Variants in LINGO2 observed in about 807,000 individuals in gnomAD.
LINGO2 encodes leucine rich repeat and Ig domain containing 2.
Under a neutral mutation model 30.6 loss-of-function variants are expected in LINGO2, and 14 were observed. That is an observed-to-expected ratio of 0.46 (90% CI 0.30 to 0.72). The LOEUF is 0.72. LINGO2 is among the 30% of genes least tolerant of loss of function. The pLI is 0.07. For synonymous variants in LINGO2, 317 were observed against 288.5 expected, an observed-to-expected ratio of 1.10 and a Z score of -1.00; for missense variants, 729 against 751.7, an observed-to-expected ratio of 0.97 and a Z score of 0.35.
the LINGO2 span, among the ~76,000 whole-genome samples, chr9:28,795,949 T>C: frequency 6.6e-6 from 1 of 150,460 alleles, no homozygotes; most frequent in Non-Finnish European, 1.5e-5. Flanking sequence ...ATAGTCAATG[T>C]ATACCTTTAT....
At chr9:28,009,547 C>T (rs1191111446) in intron 5 of LINGO2, among the ~76,000 whole-genome samples, 1 of 151,812 alleles carries the variant, frequency 6.6e-6, no homozygotes, top group Non-Finnish European at 1.5e-5. Flanking sequence ...TAAAAATAGA[C>T]AAAAGATCTG....
At chr9:29,013,724 T>C in the LINGO2 span, among the ~76,000 whole-genome samples, 2 of 152,178 alleles carry the variant, frequency 1.3e-5, no homozygotes, top group African/African-American at 4.8e-5. Flanking sequence ...GCAGAATATA[T>C]TGACTTATGC....
upstream of LINGO2, among the ~76,000 whole-genome samples, chr9:28,671,486 G>A (rs1829007077): frequency 7.4e-6 from 1 of 135,362 alleles, no homozygotes. Context: ...TAGCAACATG[G>A]ACAGAGCTGG....
At chr9:28,447,918 T>C (rs1162477823) in intron 2 of LINGO2, among the ~76,000 whole-genome samples, 1 of 152,144 alleles carries the variant, frequency 6.6e-6, no homozygotes. Context: ...TCTTTGTGGA[T>C]AAGATGGAGG....
intron 2 of LINGO2, among the ~76,000 whole-genome samples, chr9:28,373,306 C>G (rs1820977055): frequency 6.6e-6 from 1 of 152,148 alleles, no homozygotes; most frequent in South Asian, 2.1e-4. Context: ...TATATTTCTA[C>G]TCTTGAATGC....
chr9:28,876,473 T>C, the LINGO2 span, among the ~76,000 whole-genome samples: 8 of 151,624 alleles, frequency 5.3e-5, no homozygotes, highest in East Asian at 1.6e-3. Context: ...ATTGTTCAAT[T>C]CCCACCTATG....
At chr9:29,178,808 G>T in the LINGO2 span, among the ~76,000 whole-genome samples, 2 of 151,928 alleles carry the variant, frequency 1.3e-5, no homozygotes, top group Non-Finnish European at 2.9e-5. Context: ...AAACCCAGAA[G>T]ATCAAAGGAT....
intron 3 of LINGO2, among the ~76,000 whole-genome samples, chr9:28,319,115 C>G (rs1824945859): frequency 1.3e-5 from 2 of 151,904 alleles, no homozygotes; most frequent in East Asian, 1.9e-4. Flanking sequence ...GCCCAGCAGA[C>G]AGAAGAGAAA....
At chr9:28,434,703 G>A (rs1406297905) in intron 2 of LINGO2, among the ~76,000 whole-genome samples, 2 of 152,016 alleles carry the variant, frequency 1.3e-5, no homozygotes, top group Non-Finnish European at 2.9e-5. Context: ...AAATGAGAAG[G>A]CCAATACAAT....
chr9:29,060,023 A>G, the LINGO2 span, among the ~76,000 whole-genome samples: 5 of 152,236 alleles, frequency 3.3e-5, no homozygotes, highest in Admixed American at 3.3e-4. Context: ...TAGAAAACTG[A>G]AAATTTAACA....
At chr9:28,827,306 C>G in the LINGO2 span, among the ~76,000 whole-genome samples, 3 of 152,116 alleles carry the variant, frequency 2.0e-5, no homozygotes, top group Non-Finnish European at 4.4e-5. Context: ...ATTACTCTTC[C>G]TAATACTTAG....
At chr9:28,606,001 AC>A (rs1277484517) in intron 1 of LINGO2, among the ~76,000 whole-genome samples, 3 of 152,004 alleles carry the variant, frequency 2.0e-5, no homozygotes, top group African/African-American at 7.2e-5. Flanking sequence ...AGTATCAATT[AC>A]ACTATAGTGA....
At chr9:28,474,422 G>C (rs1350120332) in intron 2 of LINGO2, among the ~76,000 whole-genome samples, 3 of 151,834 alleles carry the variant, frequency 2.0e-5, no homozygotes, top group African/African-American at 7.3e-5. Context: ...AAAAAAACTT[G>C]AGAAAGTTTT....
At chr9:28,731,577 A>C in the LINGO2 span, among the ~76,000 whole-genome samples, 4 of 152,128 alleles carry the variant, frequency 2.6e-5, no homozygotes, top group African/African-American at 9.7e-5. Flanking sequence ...AGAACAACTC[A>C]AGGGATACTT....
intron 3 of LINGO2, among the ~76,000 whole-genome samples, chr9:28,350,359 G>A (rs1819809273): frequency 6.8e-6 from 1 of 146,208 alleles, no homozygotes; most frequent in Non-Finnish European, 1.5e-5. Flanking sequence ...CCTAGTCTCT[G>A]ATAAAACAGA....
the LINGO2 span, among the ~76,000 whole-genome samples, chr9:28,679,302 C>G: frequency 4.6e-5 from 7 of 151,992 alleles, no homozygotes; most frequent in Admixed American, 3.3e-4. Context: ...GACTTTAATC[C>G]AAGAAAATCT....
chr9:28,587,103 C>T (rs1299833993), intron 1 of LINGO2, among the ~76,000 whole-genome samples: 1 of 151,952 alleles, frequency 6.6e-6, no homozygotes, highest in East Asian at 1.9e-4. Context: ...TCATATTTTG[C>T]ACATTGGGAA....
intron 4 of LINGO2, among the ~76,000 whole-genome samples, chr9:28,139,335 C>A (rs540660405): frequency 1.3e-5 from 2 of 152,180 alleles, no homozygotes; most frequent in African/African-American, 4.8e-5. Context: ...ATAGTATAGA[C>A]AAATAGTGGA....
the LINGO2 span, among the ~76,000 whole-genome samples, chr9:29,091,308 T>C: frequency 6.6e-6 from 1 of 152,054 alleles, no homozygotes; most frequent in South Asian, 2.1e-4. Flanking sequence ...AAACACTGAA[T>C]CTCCCCATGT....
Sources: allele counts gnomAD v4.1 joint callset (sites outside exome capture counted in the v4.1 genomes callset), GRCh38; gene constraint gnomAD v4.1.1; transcripts MANE v1.5; gene names NCBI Gene and HGNC (gene_info 2026-07-23, HGNC 2026-07-21).